SNAP91: variants seen among roughly 807,000 people sequenced by gnomAD.
The protein encoded by SNAP91 is clathrin coat assembly protein AP180.
Under a neutral mutation model 100.3 loss-of-function variants are expected in SNAP91, and 27 were observed. The ratio of observed to expected loss-of-function variants is 0.27; its 90% CI spans 0.20 to 0.37. The LOEUF is 0.37. Among genes scored for constraint, SNAP91 ranks in the 10% least tolerant of loss-of-function variants. SNAP91 has a pLI of 1.00. For synonymous variants in SNAP91, 404 were observed against 398.6 expected (o/e 1.01, Z -0.16); for missense variants, 986 against 1,123.7 (o/e 0.88, Z 1.75).
intron 2 of SNAP91, among the ~76,000 whole-genome samples, chr6:83,695,507 G>C (rs1204892442): frequency 6.6e-6 from 1 of 151,966 alleles, no homozygotes; most frequent in East Asian, 1.9e-4. Context: ...TATATACATT[G>C]ATGCAACAAA....
intron 7 of SNAP91, among the ~76,000 whole-genome samples, chr6:83,653,491 C>T (rs553141911): frequency 2.3e-4 from 35 of 152,284 alleles, no homozygotes; most frequent in African/African-American, 7.9e-4. Flanking sequence ...TTCCATCTCT[C>T]TGCTTACATT....
In SNAP91 at chr6:83,665,526, A is replaced by G; in HGVS notation, c.186T>C (p.Thr62=). The G allele has an allele frequency of 6.2e-7, 1 of 1,612,918 alleles. No homozygotes were observed. Among genetic ancestry groups the G allele is most frequent in the Non-Finnish European group, 8.5e-7 (1 of 1,179,250 alleles). Residue 62 remains threonine (T), a synonymous_variant, in exon 3 of 30, where the codon ACT becomes ACC. Transcript: ENST00000369694. ...TNVNIPQMAD[T]LFERATNSSW... is the part of the protein sequence containing the mutation. Reference sequence around the variant, plus strand: ...TACTGTTTGTTGCCCGCTCAAAGAGAGTGTCGGCCATCTGAGGAATATTAA... The same window carrying G: ...TACTGTTTGTTGCCCGCTCAAAGAGGGTGTCGGCCATCTGAGGAATATTAA...
chr6:83,558,281 T>G (rs998213564), intron 28 of SNAP91, among the ~76,000 whole-genome samples: 2 of 152,190 alleles, frequency 1.3e-5, no homozygotes, highest in African/African-American at 2.4e-5. Context: ...CATGGAACTA[T>G]TCAAACATCA....
Position 83,612,894 on chromosome 6 carries a change from C to CAAAAA in SNAP91, c.884+1958_884+1962dup, listed in dbSNP as rs11451494. Among the ~76,000 whole-genome samples, 50 of 94,168 alleles carry CAAAAA rather than the reference C, an allele frequency of 5.3e-4. 2 individuals carry two copies. The highest frequency in any genetic ancestry group is 0.011 in the Middle Eastern group (2 of 190). The allele number at this position is 94,168 out of a possible 152,430, so 61.8% of individuals were successfully genotyped here. ...TAGGAGACAGAGCGAGACTCAGTCT[C>CAAAAA]AAAAAAAAAAAAAAAAAATATCAAC... On this transcript the variant is annotated intron_variant, in intron 11 of 29. Transcript: ENST00000369694.
intron 2 of SNAP91, among the ~76,000 whole-genome samples, chr6:83,701,122 T>C (rs778598288): frequency 1.4e-4 from 21 of 150,460 alleles, no homozygotes; most frequent in Non-Finnish European, 2.4e-4. Flanking sequence ...AGCAGCTTGA[T>C]TGTGGGAAAA....
intron 2 of SNAP91, 59 bp from the exon 3 acceptor site, chr6:83,665,640 C>A: frequency 6.6e-7 from 1 of 1,515,352 alleles, no homozygotes; most frequent in South Asian, 1.2e-5. Flanking sequence ...AAATTCATTT[C>A]AAACTTGGAA....
chr6:83,680,502 T>C (rs916810619), intron 2 of SNAP91, among the ~76,000 whole-genome samples: 2 of 152,182 alleles, frequency 1.3e-5, no homozygotes, highest in African/African-American at 4.8e-5. Flanking sequence ...GCTTCACAAC[T>C]GTAGGATATT....
chr6:83,681,367 G>A (rs116018161), intron 2 of SNAP91, among the ~76,000 whole-genome samples: 2,349 of 152,134 alleles, frequency 0.015, 68 homozygotes, highest in African/African-American at 0.051. Context: ...ATCTCTCTAG[G>A]CCCTGTGGAA....
chr6:83,689,511 G>A (rs2099105045), intron 2 of SNAP91: 2 of 151,982 alleles, frequency 1.3e-5, no homozygotes, highest in Non-Finnish European at 2.9e-5. Context: ...GTAAAAAGTG[G>A]TAGACTACTA....
At chr6:83,633,272 G>T (rs571040870) in intron 8 of SNAP91, among the ~76,000 whole-genome samples, 1 of 152,204 alleles carries the variant, frequency 6.6e-6, no homozygotes, top group Non-Finnish European at 1.5e-5. Context: ...ACCAGCACCT[G>T]TTCTGGTAGA....
At chr6:83,564,993 T>C (rs867185155) in intron 26 of SNAP91, among the ~76,000 whole-genome samples, 14 of 150,378 alleles carry the variant, frequency 9.3e-5, no homozygotes, top group Non-Finnish European at 1.5e-4. Context: ...GATAAAAATA[T>C]TGGCAAATCA....
intron 6 of SNAP91, among the ~76,000 whole-genome samples, chr6:83,658,231 G>A (rs2098454567): frequency 6.6e-6 from 1 of 152,042 alleles, no homozygotes; most frequent in Non-Finnish European, 1.5e-5. Context: ...TCACAACCAG[G>A]ATATTGACAA....
At chr6:83,650,428 AT>A (rs888968929) in intron 7 of SNAP91, among the ~76,000 whole-genome samples, 8 of 151,676 alleles carry the variant, frequency 5.3e-5, no homozygotes, top group African/African-American at 1.9e-4. Flanking sequence ...AGTCAAATTA[AT>A]TTTTTTTGAG....
In SNAP91 at chr6:83,671,961, T is replaced by C. The variant is rs146256210; in HGVS notation, c.131-6380A>G. Among the ~76,000 whole-genome samples, 292 of 152,232 alleles carry C rather than the reference T, an allele frequency of 1.9e-3. 1 individual carries two copies. Among genetic ancestry groups the C allele is most frequent in the African/African-American group, 6.2e-3 (256 of 41,562 alleles). ...ACTTTTGTGAAAAATTAATTACCCA[T>C]GTGTGCCCTTCTGATCATAGCTGTC... On this transcript the variant is annotated intron_variant, in intron 2 of 29. Transcript: ENST00000369694.
At chr6:83,688,126 A>C (rs1394789244) in intron 2 of SNAP91, among the ~76,000 whole-genome samples, 1 of 152,176 alleles carries the variant, frequency 6.6e-6, no homozygotes, top group Non-Finnish European at 1.5e-5. Flanking sequence ...ATGACCCCAT[A>C]GCCTCTGCAT....
chr6:83,647,466 T>G (rs891841815), intron 7 of SNAP91, among the ~76,000 whole-genome samples: 4 of 152,332 alleles, frequency 2.6e-5, no homozygotes, highest in Non-Finnish European at 4.4e-5. Context: ...CTCTTTTAGC[T>G]TATTGATGTG....
At chr6:83,606,323 T>C (rs368594771) in intron 13 of SNAP91, among the ~76,000 whole-genome samples, 2 of 152,212 alleles carry the variant, frequency 1.3e-5, no homozygotes, top group African/African-American at 4.8e-5. Context: ...TTTTCCTACG[T>C]TAGACTATAA....
rs1023443395 is a variant in SNAP91, at chr6:83,605,631, A to G, written c.1141+54T>C. The G allele has an allele frequency of 2.6e-6, 4 of 1,546,092 alleles. No individual in the cohort carries two copies. In the African/African-American group the frequency reaches 5.5e-5, roughly 21 times the overall value. ...ATGTTAACAATTATAGCCTAAGTAA[A>G]AACAATGAAATAAAATGAATAGAGA... On this transcript the variant is annotated intron_variant, in intron 14 of 29. Coordinates refer to ENST00000369694, the MANE Select transcript of SNAP91 (RefSeq NM_001242792.2).
chr6:83,554,419 T>C (rs1707451648), intron 29 of SNAP91, 134 bp from the exon 30 acceptor site: 1 of 154,842 alleles, frequency 6.5e-6, no homozygotes, highest in African/African-American at 2.4e-5. Context: ...CATGGACAAA[T>C]TCAAATTTAC....
Sources: gnomAD v4.1 joint callset for allele counts (sites outside exome capture counted in the v4.1 genomes callset) on GRCh38, gnomAD v4.1.1 for gene constraint, MANE v1.5 for transcripts, NCBI Gene and HGNC (gene_info 2026-07-23, HGNC 2026-07-21) for gene names.